Variants in TRPM7 observed in about 807,000 individuals in gnomAD.
TRPM7 encodes LTRPC ion channel family member 7.
TRPM7 carries 134 observed loss-of-function variants against 229.7 expected under a neutral mutation model. The observed-to-expected ratio is 0.58, with a 90% CI of 0.51 to 0.67. The LOEUF (loss-of-function observed/expected upper bound fraction) is 0.67, where lower values mean the gene tolerates loss of function less well. TRPM7 is among the 30% of genes least tolerant of loss of function. The pLI is 0.00. For synonymous variants in TRPM7, 699 were observed against 715.2 expected, an observed-to-expected ratio of 0.98 and a Z score of 0.36; for missense variants, 1,901 against 2,210.0, an observed-to-expected ratio of 0.86 and a Z score of 2.80.
intron 7 of TRPM7, among the ~76,000 whole-genome samples, chr15:50,636,209 G>GGAGT (rs2060902455): frequency 7.1e-6 from 1 of 141,494 alleles, no homozygotes; most frequent in Non-Finnish European, 1.5e-5. Context: ...TTTTTGCAAT[G>GGAGT]GAGTCTTGCT....
intron 11 of TRPM7, among the ~76,000 whole-genome samples, chr15:50,627,371 G>A (rs2060593547): frequency 6.6e-6 from 1 of 152,080 alleles, no homozygotes; most frequent in South Asian, 2.1e-4. Context: ...TTGGTTAGAG[G>A]CCAGAAAGAT....
chr15:50,617,071 C>T (rs1596207296), intron 13 of TRPM7, among the ~76,000 whole-genome samples: 1 of 151,470 alleles, frequency 6.6e-6, no homozygotes, highest in Non-Finnish European at 1.5e-5. Flanking sequence ...GGGTGGATCA[C>T]CTGAGGTCAG....
At chr15:50,631,899 T>C (rs1475537249) in intron 9 of TRPM7, among the ~76,000 whole-genome samples, 3 of 152,198 alleles carry the variant, frequency 2.0e-5, no homozygotes, top group African/African-American at 7.2e-5. Flanking sequence ...ATAATGTATA[T>C]ATTCTTGAAA....
intron 4 of TRPM7, among the ~76,000 whole-genome samples, chr15:50,644,797 C>CAAAA (rs201997665): frequency 1.2e-3 from 77 of 64,708 alleles, no homozygotes; most frequent in African/African-American, 4.7e-3. Context: ...AACTGCGTCT[C>CAAAA]AAAAAAAAAA....
intron 1 of TRPM7, among the ~76,000 whole-genome samples, chr15:50,666,590 C>T (rs1052720815): frequency 1.3e-5 from 2 of 151,566 alleles, no homozygotes; most frequent in African/African-American, 4.9e-5. Flanking sequence ...GATCACCTGA[C>T]GTTGGGAGTT....
intron 13 of TRPM7, among the ~76,000 whole-genome samples, chr15:50,617,502 T>C (rs1248182429): frequency 6.8e-6 from 1 of 148,038 alleles, no homozygotes; most frequent in African/African-American, 2.4e-5. Context: ...AAAACTTCAT[T>C]TCAAAAAAAA....
At chr15:50,579,757 T>C (rs1306677356) in intron 30 of TRPM7, among the ~76,000 whole-genome samples, 2 of 152,206 alleles carry the variant, frequency 1.3e-5, no homozygotes, top group African/African-American at 2.4e-5. Context: ...CCAGGTTTAT[T>C]TTCTTCTTTA....
intron 3 of TRPM7, 32 bp from the exon 4 acceptor site, chr15:50,648,917 T>A: frequency 1.3e-6 from 2 of 1,518,700 alleles, no homozygotes; most frequent in Non-Finnish European, 1.8e-6. Context: ...AAAACACCCT[T>A]CAAAAAATTA....
In TRPM7 at chr15:50,599,165, T is replaced by C. The variant is rs1403552635; in HGVS notation, c.3120A>G (p.Pro1040=). The part of the protein sequence containing the change: ...WTLAKDIVFH[P]YWMIFGEVYA... ...AAACTTCACCAAAAATCATCCAGTA[T>C]GGGTGAAAAACTATATCTTTAGCAA... The change falls in exon 22 of 39, where the codon CCA becomes CCG. Residue 1040 remains proline (P), a synonymous_variant. Transcript: ENST00000646667. 4 of 1,612,642 alleles carry C rather than the reference T, an allele frequency of 2.5e-6. No homozygotes were observed. Among genetic ancestry groups the C allele is most frequent in the Admixed American group, 3.3e-5 (2 of 59,860 alleles).
chr15:50,561,954 G>C (rs2053333784), intron 38 of TRPM7, 146 bp from the exon 39 acceptor site: 2 of 761,024 alleles, frequency 2.6e-6, no homozygotes, highest in Admixed American at 3.6e-5. Context: ...GAGTGCAATG[G>C]CGCGATCTCG....
Position 50,557,529 on chromosome 15 carries a change from A to G in TRPM7, c.*4149T>C, listed in dbSNP as rs1303749600. 2.0e-5 allele frequency: 3 copies of G among 152,250 alleles called. No individual in the cohort carries two copies. The highest frequency in any genetic ancestry group is 1.3e-4 in the Admixed American group (2 of 15,290). 9.4% of individuals were successfully genotyped at this position (152,250 alleles called of 1,614,324 possible). A position where few individuals can be genotyped will look rare whatever the true frequency, so the allele number is the denominator to read the frequency against. ...TTAAAAATATTTTCTAAACAATCCA[A>G]TATAATCTTTTCTATAATTTCCAAT... On this transcript the variant is annotated 3_prime_UTR_variant, in exon 39 of 39. Coordinates refer to ENST00000646667, the MANE Select transcript of TRPM7 (RefSeq NM_017672.6).
At chr15:50,637,139 A>C (rs890372108) in intron 7 of TRPM7, among the ~76,000 whole-genome samples, 4 of 151,822 alleles carry the variant, frequency 2.6e-5, no homozygotes, top group African/African-American at 9.7e-5. Context: ...GAAAAAAAAA[A>C]AAAAAGAATA....
intron 1 of TRPM7, among the ~76,000 whole-genome samples, chr15:50,679,529 T>TA (rs2062192200): frequency 1.9e-5 from 1 of 51,756 alleles, no homozygotes; most frequent in African/African-American, 7.9e-5. Flanking sequence ...TATATATATA[T>TA]ATATATATAT....
At chr15:50,609,983 T>A (rs748934910) in intron 17 of TRPM7, 22 bp from the exon 18 acceptor site, 1 of 1,512,906 alleles carries the variant, frequency 6.6e-7, no homozygotes, top group Non-Finnish European at 8.9e-7. Context: ...GAAACATAAT[T>A]TTGCATTTAA....
Position 50,686,775 on chromosome 15 carries a change from C to A in TRPM7, c.-242G>T. 2.2e-6 allele frequency: 1 copy of A among 453,218 alleles called. No individual in the cohort carries two copies. Among genetic ancestry groups the A allele is most frequent in the Middle Eastern group, 5.9e-4 (1 of 1,706 alleles). The allele number at this position is 453,218 out of a possible 1,614,324, so 28.1% of individuals were successfully genotyped here. On this transcript the variant is annotated 5_prime_UTR_variant, in exon 1 of 39. Coordinates refer to ENST00000646667, the MANE Select transcript of TRPM7 (RefSeq NM_017672.6). ...CACAGGGACGCGCCCGCGCCCGCCT[C>A]CGCCGGCGACGGGGCTGGGGACGGA...
At chr15:50,607,111 C>A (rs982615908) in intron 20 of TRPM7, 89 bp downstream of exon 20, 87 of 1,006,976 alleles carry the variant, frequency 8.6e-5, no homozygotes, top group Non-Finnish European at 1.0e-4. Flanking sequence ...CACACACACA[C>A]CCCCCTACGT....
At chr15:50,606,870 G>A (rs1253812403) in intron 20 of TRPM7, among the ~76,000 whole-genome samples, 1 of 152,158 alleles carries the variant, frequency 6.6e-6, no homozygotes, top group Non-Finnish European at 1.5e-5. Flanking sequence ...ATTTAGCTAA[G>A]TATATTTAAT....
intron 36 of TRPM7, among the ~76,000 whole-genome samples, chr15:50,572,427 C>A (rs781497800): frequency 1.6e-4 from 25 of 152,230 alleles, no homozygotes; most frequent in Non-Finnish European, 2.5e-4. Context: ...ATAATTCTTA[C>A]TATTTTTTAA....
At position 50,561,328 on chromosome 15, in the gene TRPM7, C is replaced by G; in HGVS notation, c.*350G>C. The stretch of plus-strand genomic sequence containing the variant: ...ATAAAACAGCTGCCAATAAAATCTG[C>G]ATGGACACCTACCTTTGGTTAATGG... On this transcript the variant is annotated 3_prime_UTR_variant, in exon 39 of 39. Transcript: ENST00000646667. 5.6e-6 allele frequency: 1 copy of G among 177,662 alleles called. No homozygotes were observed. The highest frequency in any genetic ancestry group is 1.2e-5 in the Non-Finnish European group (1 of 84,808). The allele number at this position is 177,662 out of a possible 1,614,324, so 11.0% of individuals were successfully genotyped here.
Sources: gnomAD v4.1 joint callset for allele counts (sites outside exome capture counted in the v4.1 genomes callset) on GRCh38, gnomAD v4.1.1 for gene constraint, MANE v1.5 for transcripts, NCBI Gene and HGNC (gene_info 2026-07-23, HGNC 2026-07-21) for gene names.